GFRA1: variants seen among roughly 807,000 people sequenced by gnomAD.
GFRA1 encodes the protein GDNF family receptor alpha-1.
Under a neutral mutation model 51.6 loss-of-function variants are expected in GFRA1, and 16 were observed. The observed-to-expected ratio is 0.31, with a 90% CI of 0.21 to 0.47. The LOEUF is 0.47. Among genes scored for constraint, GFRA1 ranks in the 20% least tolerant of loss-of-function variants. GFRA1 has a pLI of 1.00. For synonymous variants in GFRA1, 270 were observed against 241.3 expected (o/e 1.12, Z -1.10); for missense variants, 530 against 594.3 (o/e 0.89, Z 1.13).
chr10:116,127,355 T>C (rs1328122227), intron 5 of GFRA1, among the ~76,000 whole-genome samples: 2 of 152,242 alleles, frequency 1.3e-5, no homozygotes, highest in African/African-American at 4.8e-5. Context: ...CTCCCTGTTC[T>C]ACTGAAGATG....
chr10:116,204,096 C>G (rs1212194057), intron 5 of GFRA1, among the ~76,000 whole-genome samples: 1 of 152,202 alleles, frequency 6.6e-6, no homozygotes, highest in Non-Finnish European at 1.5e-5. Context: ...GTGACTCTGT[C>G]CCACTGTGGG....
chr10:116,231,540 T>C (rs1201349117), intron 4 of GFRA1, among the ~76,000 whole-genome samples: 2 of 152,222 alleles, frequency 1.3e-5, no homozygotes, highest in Non-Finnish European at 2.9e-5. Context: ...TTTTTTAAAG[T>C]GTACCTATGT....
Position 116,269,560 on chromosome 10 carries a change from A to T in GFRA1, c.361T>A (p.Tyr121Asn). The part of the protein sequence containing the change: ...QGNDLLEDSP[Y>N]EPVNSRLSDI... The stretch of plus-strand genomic sequence containing the variant: ...GACAATCTGCTGTTAACTGGTTCAT[A>T]TGGGGAATCCTCCAGCAGATCATTT... The change falls in exon 4 of 11, where the codon TAT (tyrosine) becomes AAT (asparagine). Residue 121 changes from tyrosine (Y) to asparagine (N), a missense_variant. Coordinates refer to ENST00000355422, the MANE Select transcript of GFRA1 (RefSeq NM_005264.8). 1 of 1,606,106 alleles carries T rather than the reference A, an allele frequency of 6.2e-7. No individual in the cohort carries two copies. Among genetic ancestry groups the T allele is most frequent in the Non-Finnish European group, 8.5e-7 (1 of 1,172,684 alleles).
At chr10:116,145,443 AATT>A (rs57834149) in intron 5 of GFRA1, among the ~76,000 whole-genome samples, 146,187 of 152,002 alleles carry the variant, frequency 0.96, 70,344 homozygotes, top group East Asian at 1. Flanking sequence ...AAGGGAACTT[AATT>A]ATTAAGGAAA....
At chr10:116,085,740 G>A (rs888201681) in intron 9 of GFRA1, among the ~76,000 whole-genome samples, 1 of 152,068 alleles carries the variant, frequency 6.6e-6, no homozygotes, top group Admixed American at 6.6e-5. Flanking sequence ...CTTCATAGAG[G>A]TCACCCTAGA....
intron 5 of GFRA1, among the ~76,000 whole-genome samples, chr10:116,149,024 A>C (rs995844407): frequency 5.9e-5 from 6 of 101,100 alleles, no homozygotes; most frequent in Middle Eastern, 4.5e-3. Flanking sequence ...GGACACTGTC[A>C]CCTCCCATAT....
At chr10:116,196,362 G>A (rs1426967102) in intron 5 of GFRA1, among the ~76,000 whole-genome samples, 2 of 150,518 alleles carry the variant, frequency 1.3e-5, no homozygotes, top group African/African-American at 4.9e-5. Flanking sequence ...GGTGGCAGGT[G>A]CCTGTAATCC....
At chr10:116,105,999 T>C (rs1359911355) in intron 6 of GFRA1, among the ~76,000 whole-genome samples, 2 of 152,072 alleles carry the variant, frequency 1.3e-5, no homozygotes, top group Admixed American at 6.5e-5. Flanking sequence ...GTAGGACCAA[T>C]AGAATCACAG....
chr10:116,161,502 G>T (rs1959790270), intron 5 of GFRA1, among the ~76,000 whole-genome samples: 1 of 152,154 alleles, frequency 6.6e-6, no homozygotes, highest in African/African-American at 2.4e-5. Flanking sequence ...TATTGATATG[G>T]TTTGTCTGTG....
chr10:116,100,910 C>A (rs1346196229), intron 6 of GFRA1, among the ~76,000 whole-genome samples: 1 of 151,998 alleles, frequency 6.6e-6, no homozygotes, highest in African/African-American at 2.4e-5. Flanking sequence ...GGGGTGAGAA[C>A]AGAATCGAGA....
Position 116,248,766 on chromosome 10 carries a change from C to T in GFRA1, c.418+20737G>A, listed in dbSNP as rs1043255827. ...AAGAGCATGGGGTCTGTTTGAAAAG[C>T]AGCGAATTAAATCTCTAGCATACCA... On this transcript the variant is annotated intron_variant, in intron 4 of 10. Coordinates refer to ENST00000355422, the MANE Select transcript of GFRA1 (RefSeq NM_005264.8). Among the ~76,000 whole-genome samples, 6 of 152,292 alleles carry T rather than the reference C, an allele frequency of 3.9e-5. No homozygotes were observed. In the South Asian group the frequency reaches 6.2e-4, roughly 16 times the overall value.
At chr10:116,081,955 G>A (rs1426497750) in intron 9 of GFRA1, among the ~76,000 whole-genome samples, 3 of 152,180 alleles carry the variant, frequency 2.0e-5, no homozygotes, top group Non-Finnish European at 4.4e-5. Flanking sequence ...AATAAGTATA[G>A]CTCATAATTG....
chr10:116,205,927 C>CAT (rs1491403100), intron 5 of GFRA1, among the ~76,000 whole-genome samples: 1 of 2,176 alleles, frequency 4.6e-4, no homozygotes, highest in African/African-American at 9.0e-4. Context: ...TTCCTCATAT[C>CAT]ACACACACAC....
chr10:116,217,483 G>C (rs1246099021), intron 4 of GFRA1, among the ~76,000 whole-genome samples: 1 of 152,250 alleles, frequency 6.6e-6, no homozygotes, highest in Non-Finnish European at 1.5e-5. Context: ...TAAACTCTAT[G>C]AGTCTTCATT....
chr10:116,131,493 A>G (rs1377444434), intron 5 of GFRA1, among the ~76,000 whole-genome samples: 1 of 152,222 alleles, frequency 6.6e-6, no homozygotes, highest in East Asian at 1.9e-4. Context: ...TCAAAACTGG[A>G]GACAGCCCAT....
chr10:116,145,128 G>A (rs1252215834), intron 5 of GFRA1, among the ~76,000 whole-genome samples: 9 of 74,062 alleles, frequency 1.2e-4, no homozygotes, highest in East Asian at 4.4e-4. Flanking sequence ...CAGCCTGGGC[G>A]ACAGAACGAG....
At position 116,196,848 on chromosome 10, in the gene GFRA1, T is replaced by TATA. The variant is rs71010069; in HGVS notation, c.433+14782_433+14783insTAT. Among the ~76,000 whole-genome samples, 82 of 120,742 alleles carry TATA rather than the reference T, an allele frequency of 6.8e-4. 2 individuals carry two copies. Among genetic ancestry groups the TATA allele is most frequent in the South Asian group, 3.0e-3 (13 of 4,268 alleles). 79.2% of individuals were successfully genotyped at this position (120,742 alleles called of 152,430 possible). A position where few individuals can be genotyped will look rare whatever the true frequency, so the allele number is the denominator to read the frequency against. ...ATACTTATAAATATATATATATATA[T>TATA]TTTTTTTCCCTCCCACAGTTCTGGA... is the stretch of plus-strand genomic sequence containing the variant. On this transcript the variant is annotated intron_variant, in intron 5 of 10. Transcript: ENST00000355422.
At chr10:116,107,710 AG>A (rs1347675852) in intron 6 of GFRA1, among the ~76,000 whole-genome samples, 1 of 152,216 alleles carries the variant, frequency 6.6e-6, no homozygotes, top group African/African-American at 2.4e-5. Context: ...TACCCTCAGA[AG>A]GAAGTGTTGA....
chr10:116,246,787 T>C (rs1389063402), intron 4 of GFRA1, among the ~76,000 whole-genome samples: 1 of 152,196 alleles, frequency 6.6e-6, no homozygotes, highest in African/African-American at 2.4e-5. Context: ...TATCCCCTTA[T>C]ATGGTATGTG....
Sources: allele counts gnomAD v4.1 joint callset (sites outside exome capture counted in the v4.1 genomes callset), GRCh38; gene constraint gnomAD v4.1.1; transcripts MANE v1.5; gene names NCBI Gene and HGNC (gene_info 2026-07-23, HGNC 2026-07-21).